The following HCN1 variants were observed in gnomAD, a reference collection of about 807,000 sequenced individuals.
The protein encoded by HCN1 is potassium/sodium hyperpolarization-activated cyclic nucleotide-gated channel 1.
A neutral mutation model predicts 78.9 loss-of-function variants in HCN1; 13 were observed. That is an observed-to-expected ratio of 0.16 (90% CI 0.11 to 0.26). The LOEUF is 0.26. Among genes scored for constraint, HCN1 ranks in the 10% least tolerant of loss-of-function variants. The pLI is 1.00. For missense variants in HCN1, 810 were observed against 1,154.3 expected (o/e 0.70, Z 4.32); for synonymous variants, 552 against 455.5 (o/e 1.21, Z -2.70).
intron 5 of HCN1, among the ~76,000 whole-genome samples, chr5:45,305,692 A>T (rs1362934519): frequency 6.6e-6 from 1 of 151,562 alleles, no homozygotes. Context: ...GGAAGGAAAG[A>T]AAGAAGGGAG....
chr5:45,506,778 T>C (rs927188755), intron 2 of HCN1, among the ~76,000 whole-genome samples: 1 of 152,184 alleles, frequency 6.6e-6, no homozygotes, highest in African/African-American at 2.4e-5. Context: ...TCATTTGTTA[T>C]TCTTTTTATT....
intron 1 of HCN1, among the ~76,000 whole-genome samples, chr5:45,658,170 A>C (rs1354065234): frequency 3.9e-5 from 6 of 152,198 alleles, no homozygotes; most frequent in South Asian, 4.1e-4. Flanking sequence ...GGTGCTGGGA[A>C]AACTGGCTAG....
intron 1 of HCN1, among the ~76,000 whole-genome samples, chr5:45,659,773 G>C (rs1040223596): frequency 1.7e-5 from 2 of 115,334 alleles, no homozygotes; most frequent in African/African-American, 7.6e-5. Context: ...AAAAAGAAAT[G>C]AGCAAAGCCT....
chr5:45,431,448 G>A (rs923693873), intron 3 of HCN1, among the ~76,000 whole-genome samples: 12 of 152,100 alleles, frequency 7.9e-5, no homozygotes, highest in South Asian at 4.2e-4. Context: ...TTAGGTTTCC[G>A]TTCTCAATTT....
chr5:45,264,042 C>T (rs1043275677), intron 7 of HCN1, among the ~76,000 whole-genome samples: 2 of 152,206 alleles, frequency 1.3e-5, no homozygotes, highest in Admixed American at 6.5e-5. Context: ...ATCCACCCGC[C>T]TCGGCCTCCC....
At chr5:45,622,276 C>T (rs1745082809) in intron 2 of HCN1, among the ~76,000 whole-genome samples, 1 of 151,678 alleles carries the variant, frequency 6.6e-6, no homozygotes, top group Admixed American at 6.6e-5. Context: ...AATAATTAAG[C>T]AACAAATACA....
At chr5:45,486,558 C>A (rs1741767659) in intron 2 of HCN1, among the ~76,000 whole-genome samples, 1 of 151,992 alleles carries the variant, frequency 6.6e-6, no homozygotes, top group Non-Finnish European at 1.5e-5. Flanking sequence ...ACATCTTCAT[C>A]CTTCATGTGG....
At chr5:45,297,886 A>T (rs1309793152) in intron 6 of HCN1, among the ~76,000 whole-genome samples, 1 of 152,056 alleles carries the variant, frequency 6.6e-6, no homozygotes, top group Non-Finnish European at 1.5e-5. Flanking sequence ...ATAGAAAAAC[A>T]TACATTTGAC....
intron 5 of HCN1, among the ~76,000 whole-genome samples, chr5:45,310,242 C>A (rs1161271282): frequency 2.0e-5 from 3 of 151,824 alleles, no homozygotes; most frequent in African/African-American, 7.3e-5. Flanking sequence ...TGTGGAATGG[C>A]AGAAAATTTT....
chr5:45,390,654 G>A (rs1227946570), intron 4 of HCN1, among the ~76,000 whole-genome samples: 1 of 152,100 alleles, frequency 6.6e-6, no homozygotes, highest in East Asian at 1.9e-4. Context: ...TATCACTGGG[G>A]AAAAGGGATG....
chr5:45,319,903 T>A (rs889289494), intron 5 of HCN1, among the ~76,000 whole-genome samples: 2 of 151,912 alleles, frequency 1.3e-5, no homozygotes, highest in Non-Finnish European at 2.9e-5. Flanking sequence ...AACTTTATAT[T>A]GATAACTTAA....
intron 2 of HCN1, among the ~76,000 whole-genome samples, chr5:45,493,617 T>C (rs1470795049): frequency 6.6e-6 from 1 of 151,968 alleles, no homozygotes; most frequent in African/African-American, 2.4e-5. Flanking sequence ...ATTATTATTA[T>C]ACTTTAAGTT....
chr5:45,671,687 TA>T (rs1746155492), intron 1 of HCN1, among the ~76,000 whole-genome samples: 4 of 151,534 alleles, frequency 2.6e-5, no homozygotes, highest in Non-Finnish European at 5.9e-5. Context: ...TCAATAGTTG[TA>T]TAACTATTTA....
intron 2 of HCN1, among the ~76,000 whole-genome samples, chr5:45,477,398 G>A (rs766189140): frequency 2.9e-4 from 44 of 152,154 alleles, no homozygotes; most frequent in East Asian, 1.2e-3. Context: ...AAAAATGTGC[G>A]TTGAGAAATA....
intron 3 of HCN1, among the ~76,000 whole-genome samples, chr5:45,445,568 T>G (rs371545240): frequency 6.6e-6 from 1 of 152,178 alleles, no homozygotes; most frequent in Admixed American, 6.5e-5. Flanking sequence ...GATCTGAGAA[T>G]GGGCAGACTG....
chr5:45,388,132 C>G (rs965464989), intron 4 of HCN1, among the ~76,000 whole-genome samples: 1 of 152,092 alleles, frequency 6.6e-6, no homozygotes, highest in Admixed American at 6.6e-5. Flanking sequence ...TCAAGTACTC[C>G]ACTGCCCATT....
At position 45,481,972 on chromosome 5, in the gene HCN1, A is replaced by C. The variant is rs1056181371; in HGVS notation, c.850-19965T>G. Among the ~76,000 whole-genome samples, 54 of 45,206 alleles carry C rather than the reference A, an allele frequency of 1.2e-3. No homozygotes were observed. In the African/African-American group the frequency reaches 0.012, roughly 10 times the overall value. The allele number at this position is 45,206 out of a possible 152,430, so 29.7% of individuals were successfully genotyped here. On this transcript the variant is annotated intron_variant, in intron 2 of 7. Transcript: ENST00000303230. ...CTGAAATCCTAAAAGAAAAACAAAC[A>C]AAAAAAACAAACAAAAACAAATGTA...
At chr5:45,502,674 T>C (rs182383837) in intron 2 of HCN1, among the ~76,000 whole-genome samples, 45 of 152,292 alleles carry the variant, frequency 3.0e-4, no homozygotes, top group African/African-American at 1.1e-3. Context: ...AAAATATTTG[T>C]AAATAAAATA....
At chr5:45,558,592 A>G (rs1743523623) in intron 2 of HCN1, 1 of 152,242 alleles carries the variant, frequency 6.6e-6, no homozygotes. Context: ...TCTTCAAAGG[A>G]CAGGCTTACT....
Sources: gnomAD v4.1 joint callset for allele counts (sites outside exome capture counted in the v4.1 genomes callset) on GRCh38, gnomAD v4.1.1 for gene constraint, MANE v1.5 for transcripts, NCBI Gene and HGNC (gene_info 2026-07-23, HGNC 2026-07-21) for gene names.